Variants in NRXN3 observed in about 807,000 individuals in gnomAD.
NRXN3 encodes neurexin III.
A neutral mutation model predicts 137.6 loss-of-function variants in NRXN3; 32 were observed. The ratio of observed to expected loss-of-function variants is 0.23; its 90% CI spans 0.18 to 0.31. The LOEUF is 0.31. Among genes scored for constraint, NRXN3 ranks in the 10% least tolerant of loss-of-function variants. The pLI is 1.00. For missense variants in NRXN3, 1,574 were observed against 2,062.5 expected (o/e 0.76, Z 4.59); for synonymous variants, 798 against 784.5 (o/e 1.02, Z -0.29).
At chr14:79,513,071 C>T (rs1355670700) in intron 16 of NRXN3, among the ~76,000 whole-genome samples, 1 of 152,070 alleles carries the variant, frequency 6.6e-6, no homozygotes, top group Non-Finnish European at 1.5e-5. Context: ...ATTAAATAGG[C>T]CTGGATTTGC....
chr14:79,575,656 A>G (rs2097657343), intron 16 of NRXN3, among the ~76,000 whole-genome samples: 1 of 152,120 alleles, frequency 6.6e-6, no homozygotes, highest in Admixed American at 6.6e-5. Context: ...ATCACTTTAG[A>G]TTCCTTTCCG....
At chr14:78,665,261 A>G (rs949967292) in intron 6 of NRXN3, among the ~76,000 whole-genome samples, 1 of 152,216 alleles carries the variant, frequency 6.6e-6, no homozygotes, top group African/African-American at 2.4e-5. Flanking sequence ...TAAAGGAAAC[A>G]GGTTTCATTG....
intron 15 of NRXN3, among the ~76,000 whole-genome samples, chr14:79,241,292 C>T (rs1016218718): frequency 1.3e-5 from 2 of 152,018 alleles, no homozygotes; most frequent in African/African-American, 4.8e-5. Context: ...AGAATCATGG[C>T]CAAGGTGGCT....
intron 15 of NRXN3, among the ~76,000 whole-genome samples, chr14:79,112,065 T>C (rs549262217): frequency 6.6e-6 from 1 of 152,344 alleles, no homozygotes; most frequent in South Asian, 2.1e-4. Flanking sequence ...CACTTCTGAG[T>C]AATCATTTAA....
intron 15 of NRXN3, among the ~76,000 whole-genome samples, chr14:79,335,301 A>C (rs1199606010): frequency 6.6e-6 from 1 of 152,028 alleles, no homozygotes; most frequent in Non-Finnish European, 1.5e-5. Context: ...TTGCACTGGG[A>C]GACTATTTTA....
At chr14:78,348,076 C>G (rs144639471) in intron 4 of NRXN3, among the ~76,000 whole-genome samples, 40 of 152,170 alleles carry the variant, frequency 2.6e-4, no homozygotes, top group East Asian at 2.3e-3. Flanking sequence ...CTAGGAAAAA[C>G]GTGTCGGAAG....
At chr14:79,462,034 A>G (rs1184015434) in intron 15 of NRXN3, among the ~76,000 whole-genome samples, 3 of 152,170 alleles carry the variant, frequency 2.0e-5, no homozygotes, top group Non-Finnish European at 2.9e-5. Context: ...TTATTGTTCT[A>G]CTTGTTATAA....
At chr14:79,404,192 T>C (rs1255466316) in intron 15 of NRXN3, among the ~76,000 whole-genome samples, 2 of 152,164 alleles carry the variant, frequency 1.3e-5, no homozygotes, top group African/African-American at 2.4e-5. Flanking sequence ...AGAGAATGTT[T>C]GCACACTGAG....
chr14:79,735,440 G>A (rs891793365), intron 19 of NRXN3, among the ~76,000 whole-genome samples: 1 of 152,112 alleles, frequency 6.6e-6, no homozygotes, highest in Non-Finnish European at 1.5e-5. Flanking sequence ...ACTTAAAGCT[G>A]CAAACTTCCC....
At chr14:78,751,831 T>C (rs899198480) in intron 8 of NRXN3, among the ~76,000 whole-genome samples, 2 of 152,078 alleles carry the variant, frequency 1.3e-5, no homozygotes, top group African/African-American at 4.8e-5. Context: ...AAATGCAAAA[T>C]CTGAGCCCCA....
intron 4 of NRXN3, among the ~76,000 whole-genome samples, chr14:78,443,827 C>A (rs1019147560): frequency 9.2e-5 from 14 of 152,124 alleles, no homozygotes; most frequent in Non-Finnish European, 1.5e-4. Context: ...TCCCTCATAC[C>A]CATACATGAT....
chr14:79,044,457 G>T (rs1328566119), intron 15 of NRXN3, among the ~76,000 whole-genome samples: 1 of 152,142 alleles, frequency 6.6e-6, no homozygotes, highest in Non-Finnish European at 1.5e-5. Context: ...TAAGACAAGG[G>T]AGAATAATGA....
At chr14:79,368,060 G>C (rs1274933552) in intron 15 of NRXN3, among the ~76,000 whole-genome samples, 1 of 152,088 alleles carries the variant, frequency 6.6e-6, no homozygotes, top group Admixed American at 6.5e-5. Flanking sequence ...TCATCACTTG[G>C]AGCATTATTA....
intron 16 of NRXN3, among the ~76,000 whole-genome samples, chr14:79,521,711 T>C (rs2097066695): frequency 6.6e-6 from 1 of 152,176 alleles, no homozygotes; most frequent in South Asian, 2.1e-4. Flanking sequence ...TACTTCTGTA[T>C]TGTCAGGGTT....
chr14:79,379,846 A>C (rs1025540880), intron 15 of NRXN3, among the ~76,000 whole-genome samples: 8 of 151,554 alleles, frequency 5.3e-5, no homozygotes, highest in African/African-American at 2.0e-4. Flanking sequence ...TTTTTAAAAA[A>C]GTACTAGTCT....
intron 1 of NRXN3, among the ~76,000 whole-genome samples, chr14:78,189,845 G>T (rs953354250): frequency 2.6e-5 from 4 of 152,122 alleles, no homozygotes; most frequent in African/African-American, 9.7e-5. Flanking sequence ...GCCATTTCAT[G>T]TTCCCAGGTC....
intron 4 of NRXN3, among the ~76,000 whole-genome samples, chr14:78,348,404 C>T (rs943557041): frequency 6.6e-5 from 10 of 152,168 alleles, no homozygotes; most frequent in Admixed American, 1.3e-4. Flanking sequence ...CAAGGGCTTG[C>T]GATAAGGATT....
intron 16 of NRXN3, among the ~76,000 whole-genome samples, chr14:79,625,125 G>C (rs2098269386): frequency 6.6e-6 from 1 of 152,026 alleles, no homozygotes; most frequent in Admixed American, 6.6e-5. Flanking sequence ...GCTGTGTCTG[G>C]CTTATTTCAC....
chr14:78,943,619 AAAATATATATATATATATAT>A lies in NRXN3; in HGVS notation c.2276-13621_2276-13602del, dbSNP rs1357563678. 6.8e-4 allele frequency among the ~76,000 whole-genome samples: 29 copies of A among 42,810 alleles called. 1 individual carries two copies. The highest frequency in any genetic ancestry group is 9.4e-4 in the East Asian group (1 of 1,066). The allele number at this position is 42,810 out of a possible 152,430, so 28.1% of individuals were successfully genotyped here. ...GAAGCAAGATCACTGTTAAAAAAAA[AAAATATATATATATATATAT>A]ATATATATATATATATATATATATA... On this transcript the variant is annotated intron_variant, in intron 10 of 20. Transcript: ENST00000335750.
Sources: allele counts gnomAD v4.1 joint callset (sites outside exome capture counted in the v4.1 genomes callset), GRCh38; gene constraint gnomAD v4.1.1; transcripts MANE v1.5; gene names NCBI Gene and HGNC (gene_info 2026-07-23, HGNC 2026-07-21).